The following MCTP1 variants were observed in gnomAD, a reference collection of about 807,000 sequenced individuals.
MCTP1 encodes multiple C2 and transmembrane domain containing 1.
MCTP1 carries 69 observed loss-of-function variants against 120.6 expected under a neutral mutation model. The ratio of observed to expected loss-of-function variants is 0.57; its 90% confidence interval spans 0.47 to 0.70. The LOEUF is 0.70. MCTP1 is among the 30% of genes least tolerant of loss of function. The pLI, the probability that MCTP1 is intolerant of heterozygous loss-of-function variation, is 0.00. For missense variants in MCTP1, 1,203 were observed against 1,248.8 expected, an observed-to-expected ratio of 0.96 and a Z score of 0.55; for synonymous variants, 529 against 493.1, an observed-to-expected ratio of 1.07 and a Z score of -0.96.
intron 5 of MCTP1, among the ~76,000 whole-genome samples, chr5:94,936,151 A>C (rs1305906000): frequency 6.6e-6 from 1 of 152,022 alleles, no homozygotes; most frequent in Non-Finnish European, 1.5e-5. Context: ...TACTAATTTT[A>C]AGAACTTACA....
chr5:95,242,128 A>G (rs548427324), intron 1 of MCTP1, among the ~76,000 whole-genome samples: 1 of 152,260 alleles, frequency 6.6e-6, no homozygotes, highest in East Asian at 1.9e-4. Flanking sequence ...CCTTGTAGCT[A>G]TTTTTAACTA....
chr5:95,011,652 G>C (rs143167438), intron 2 of MCTP1, among the ~76,000 whole-genome samples: 1,847 of 152,218 alleles, frequency 0.012, 14 homozygotes, highest in Middle Eastern at 0.027. Context: ...GAAGATGCTT[G>C]ATTCCCCTTC....
At chr5:94,985,355 C>T (rs1227269474) in intron 2 of MCTP1, among the ~76,000 whole-genome samples, 2 of 152,042 alleles carry the variant, frequency 1.3e-5, no homozygotes, top group African/African-American at 4.8e-5. Flanking sequence ...CCCAGTCATT[C>T]GTTATTTAAA....
chr5:95,164,047 T>C (rs1236429558), intron 1 of MCTP1, among the ~76,000 whole-genome samples: 1 of 152,210 alleles, frequency 6.6e-6, no homozygotes, highest in African/African-American at 2.4e-5. Flanking sequence ...TACTTCTGCA[T>C]CTGAGTTCAT....
intron 1 of MCTP1, among the ~76,000 whole-genome samples, chr5:95,206,248 T>C (rs964272462): frequency 5.3e-5 from 8 of 152,208 alleles, no homozygotes; most frequent in Non-Finnish European, 1.2e-4. Context: ...GAAAACATCA[T>C]GCTAAGTCAG....
chr5:94,883,913 A>G (rs74780462), intron 12 of MCTP1, among the ~76,000 whole-genome samples: 1,693 of 152,302 alleles, frequency 0.011, 23 homozygotes, highest in East Asian at 0.045. Flanking sequence ...TATGTCATGT[A>G]TATGTGCTTG....
intron 1 of MCTP1, among the ~76,000 whole-genome samples, chr5:95,200,335 C>A (rs909918984): frequency 6.6e-6 from 1 of 152,126 alleles, no homozygotes; most frequent in Non-Finnish European, 1.5e-5. Flanking sequence ...ATCCAGCAAT[C>A]CCAATACTGG....
intron 2 of MCTP1, among the ~76,000 whole-genome samples, chr5:94,997,901 TC>T (rs1166988624): frequency 6.6e-6 from 1 of 152,202 alleles, no homozygotes; most frequent in African/African-American, 2.4e-5. Flanking sequence ...TATCATTATT[TC>T]ATATACATGT....
At chr5:94,818,027 C>G (rs1443426126) in intron 17 of MCTP1, among the ~76,000 whole-genome samples, 1 of 152,288 alleles carries the variant, frequency 6.6e-6, no homozygotes. Flanking sequence ...CAAATCAGAA[C>G]AGTGAGACTC....
intron 1 of MCTP1, among the ~76,000 whole-genome samples, chr5:95,162,480 T>C (rs533932916): frequency 6.6e-6 from 1 of 152,154 alleles, no homozygotes; most frequent in South Asian, 2.1e-4. Flanking sequence ...TTACAGGCTG[T>C]GAAGCAAACA....
At chr5:94,791,189 C>G (rs1169948961) in intron 18 of MCTP1, among the ~76,000 whole-genome samples, 1 of 150,018 alleles carries the variant, frequency 6.7e-6, no homozygotes, top group Admixed American at 6.6e-5. Flanking sequence ...ATCCCAGCTA[C>G]TAGAAGGCTG....
chr5:94,834,970 G>A (rs1263999920), intron 17 of MCTP1, among the ~76,000 whole-genome samples: 1 of 151,906 alleles, frequency 6.6e-6, no homozygotes, highest in Admixed American at 6.6e-5. Flanking sequence ...TTACAAGTGT[G>A]TGCCACCACG....
intron 19 of MCTP1, among the ~76,000 whole-genome samples, chr5:94,776,176 A>G (rs1266493903): frequency 2.0e-5 from 3 of 152,048 alleles, no homozygotes; most frequent in Non-Finnish European, 2.9e-5. Context: ...TTTGTCATGT[A>G]TATAATTATG....
At chr5:94,912,607 A>G (rs1809021001) in intron 9 of MCTP1, among the ~76,000 whole-genome samples, 199 bp downstream of exon 9, 1 of 152,116 alleles carries the variant, frequency 6.6e-6, no homozygotes, top group Non-Finnish European at 1.5e-5. Context: ...TGGGACATAG[A>G]CAAGTAGTTT....
At chr5:94,867,244 G>A in intron 17 of MCTP1, 1 of 1,461,460 alleles carries the variant, frequency 6.8e-7, no homozygotes, top group Non-Finnish European at 9.0e-7. Flanking sequence ...TAACGATAAT[G>A]ACAATTGCTT....
chr5:94,750,373 C>T (rs901286796), intron 19 of MCTP1, among the ~76,000 whole-genome samples: 1 of 152,170 alleles, frequency 6.6e-6, no homozygotes, highest in Non-Finnish European at 1.5e-5. Context: ...TCATTCTCTC[C>T]TTTCATTATT....
intron 17 of MCTP1, among the ~76,000 whole-genome samples, chr5:94,831,263 A>T (rs77192088): frequency 0.018 from 2,753 of 152,306 alleles, 86 homozygotes; most frequent in African/African-American, 0.064. Context: ...AAGTAGTTCC[A>T]AGTTGATGAC....
At chr5:95,098,333 AC>A (rs1474678596) in intron 1 of MCTP1, among the ~76,000 whole-genome samples, 1 of 152,150 alleles carries the variant, frequency 6.6e-6, no homozygotes, top group Non-Finnish European at 1.5e-5. Flanking sequence ...AAGAATATTA[AC>A]CCTTAATCTG....
chr5:95,066,831 C>T (rs1275512028), intron 1 of MCTP1, among the ~76,000 whole-genome samples: 1 of 151,990 alleles, frequency 6.6e-6, no homozygotes, highest in Non-Finnish European at 1.5e-5. Context: ...GGGGGCGGAG[C>T]GGGGATGGTT....
Sources: allele counts gnomAD v4.1 joint callset (sites outside exome capture counted in the v4.1 genomes callset), GRCh38; gene constraint gnomAD v4.1.1; transcripts MANE v1.5; gene names NCBI Gene and HGNC (gene_info 2026-07-23, HGNC 2026-07-21).